Variants in PMPCB observed in about 807,000 individuals in gnomAD.
The protein encoded by PMPCB is peptidase, mitochondrial processing subunit beta.
In PMPCB, 46 loss-of-function variants were observed where a neutral mutation model predicts 61.5. That is an observed-to-expected ratio of 0.75 (90% CI 0.59 to 0.96). The LOEUF (loss-of-function observed/expected upper bound fraction) is 0.96, where lower values mean the gene tolerates loss of function less well. Ranked by LOEUF, PMPCB falls within the 40% of genes least tolerant of loss-of-function variation. PMPCB has a pLI of 0.00. For missense variants in PMPCB, 590 were observed against 602.4 expected (o/e 0.98, Z 0.22); for synonymous variants, 191 against 201.6 (o/e 0.95, Z 0.44).
At chr7:103,310,102 T>TA in intron 8 of PMPCB, among the ~76,000 whole-genome samples, 1 of 152,212 alleles carries the variant, frequency 6.6e-6, no homozygotes, top group East Asian at 1.9e-4. Context: ...TCATTGCTTT[T>TA]ATAACATGAA....
chr7:103,319,329 C>G (rs756453125), downstream of PMPCB, among the ~76,000 whole-genome samples: 24 of 152,046 alleles, frequency 1.6e-4, no homozygotes, highest in Non-Finnish European at 3.2e-4. Context: ...CCCAGTTACT[C>G]AGGAGGCTGA....
chr7:103,318,923 TAAAC>T (rs1818225307), downstream of PMPCB, among the ~76,000 whole-genome samples: 1 of 152,256 alleles, frequency 6.6e-6, no homozygotes, highest in African/African-American at 2.4e-5. Context: ...CCTTACTACA[TAAAC>T]AAAATGCAGA....
intron 9 of PMPCB, chr7:103,311,430 G>A (rs1817748018): frequency 3.6e-5 from 21 of 575,846 alleles, no homozygotes; most frequent in Admixed American, 3.3e-5. Context: ...TTTGTATAAA[G>A]CCTTTGTCTG....
intron 12 of PMPCB, chr7:103,327,542 T>G (rs2115947887): frequency 1.3e-6 from 1 of 767,266 alleles, no homozygotes; most frequent in Non-Finnish European, 2.1e-6. Flanking sequence ...CTAAAATGTT[T>G]TAAAATGTCA....
intron 12 of PMPCB, among the ~76,000 whole-genome samples, chr7:103,323,271 G>C (rs1818521205): frequency 6.6e-6 from 1 of 151,736 alleles, no homozygotes; most frequent in African/African-American, 2.4e-5. Flanking sequence ...GTTATTTTTT[G>C]CACATTCATG....
At chr7:103,316,622 A>G (rs188998188), downstream of PMPCB, 3,635 of 508,542 alleles carry the variant, frequency 7.1e-3, 15 homozygotes, top group Non-Finnish European at 9.4e-3. Flanking sequence ...AGAAACAAGT[A>G]TTCTGTCATA....
chr7:103,341,732 C>T, the PMPCB span: 11 of 1,497,240 alleles, frequency 7.3e-6, no homozygotes, highest in Non-Finnish European at 8.9e-6. Context: ...AACAAAGCAT[C>T]TGACTGAACA....
intron 12 of PMPCB, chr7:103,319,775 C>G: frequency 6.2e-7 from 1 of 1,614,192 alleles, no homozygotes; most frequent in Non-Finnish European, 8.5e-7. Flanking sequence ...TCAAGCCGAT[C>G]ACAAAGTTTT....
In PMPCB at chr7:103,313,340, C is replaced by T; in HGVS notation, c.*1069C>T. On this transcript the variant is annotated 3_prime_UTR_variant, in exon 13 of 13. Coordinates refer to ENST00000249269, the MANE Select transcript of PMPCB (RefSeq NM_004279.3). ...GCTTTTAAAACACAATAGTAAAGAT[C>T]TACCTTGTACTGTTTATCTCTTAAA... is the stretch of plus-strand genomic sequence containing the variant. 1 of 1,202,198 alleles carries T rather than the reference C, an allele frequency of 8.3e-7. No homozygotes were observed. Among genetic ancestry groups the T allele is most frequent in the Non-Finnish European group, 1.0e-6 (1 of 968,826 alleles). 74.5% of individuals were successfully genotyped at this position (1,202,198 alleles called of 1,614,324 possible).
chr7:103,317,579 A>G (rs1003898976), downstream of PMPCB, among the ~76,000 whole-genome samples: 4 of 152,188 alleles, frequency 2.6e-5, no homozygotes, highest in African/African-American at 9.7e-5. Context: ...TAGAACCAGT[A>G]AAGTCCCAAT....
intron 12 of PMPCB, chr7:103,320,830 C>CTT (rs745754898): frequency 1.7e-3 from 190 of 113,770 alleles, no homozygotes; most frequent in East Asian, 4.1e-3. Flanking sequence ...CTCAGCATGT[C>CTT]TTTTTTTTTT....
chr7:103,316,584 G>C, downstream of PMPCB: 1 of 453,040 alleles, frequency 2.2e-6, no homozygotes. Flanking sequence ...CATAAATCAA[G>C]ACTTGTCTCA....
downstream of PMPCB, among the ~76,000 whole-genome samples, chr7:103,318,036 A>C (rs1013377380): frequency 6.6e-6 from 1 of 152,216 alleles, no homozygotes; most frequent in African/African-American, 2.4e-5. Flanking sequence ...TAGTAGTACA[A>C]TGTTGAACCT....
At position 103,313,310 on chromosome 7, in the gene PMPCB, C is replaced by A; in HGVS notation, c.*1039C>A. 1.5e-6 allele frequency: 2 copies of A among 1,314,128 alleles called. No individual in the cohort carries two copies. Among genetic ancestry groups the A allele is most frequent in the Non-Finnish European group, 1.9e-6 (2 of 1,035,334 alleles). 81.4% of individuals were successfully genotyped at this position (1,314,128 alleles called of 1,614,324 possible). A position where few individuals can be genotyped will look rare whatever the true frequency, so the allele number is the denominator to read the frequency against. On this transcript the variant is annotated 3_prime_UTR_variant, in exon 13 of 13. Transcript: ENST00000249269. ...GCTCACATCCCAGAAAATAAAATCT[C>A]AAAGGCTTTTAAAACACAATAGTAA...
exon 13 of PMPCB, chr7:103,329,152 C>T: frequency 2.9e-6 from 1 of 344,608 alleles, no homozygotes; most frequent in Non-Finnish European, 5.5e-6. Context: ...TCTTCTGACT[C>T]TGTGTGTCAC....
At chr7:103,322,207 A>G (rs1457970509) in intron 12 of PMPCB, 13 of 724,758 alleles carry the variant, frequency 1.8e-5, no homozygotes, top group Non-Finnish European at 1.8e-5. Flanking sequence ...CTTATTGAAA[A>G]CTGAAGGATG....
Position 103,310,473 on chromosome 7 carries a change from A to G in PMPCB, c.1152A>G (p.Glu384=), listed in dbSNP as rs749399145. ...ACATGCTACATGTTGTTCAAAAAGAATGGTGAGAAAAATAGCTTTAAGTAA... is the reference window on the plus strand; with the variant it reads ...ACATGCTACATGTTGTTCAAAAAGAGTGGTGAGAAAAATAGCTTTAAGTAA... ...VADMLHVVQK[E]WMRLCTSVTE... is the part of the protein sequence containing the mutation. Residue 384 remains glutamate (E), a splice_region_variant and synonymous_variant, in exon 9 of 13, where the codon GAA becomes GAG. Coordinates refer to ENST00000249269, the MANE Select transcript of PMPCB (RefSeq NM_004279.3). 4.4e-6 allele frequency: 7 copies of G among 1,596,438 alleles called. No individual in the cohort carries two copies. The highest frequency in any genetic ancestry group is 6.0e-6 in the Non-Finnish European group (7 of 1,174,110).
At chr7:103,322,413 C>G in intron 12 of PMPCB, 1 of 1,219,758 alleles carries the variant, frequency 8.2e-7, no homozygotes, top group Middle Eastern at 2.3e-4. Flanking sequence ...TCTCTGCTTT[C>G]GAATTATAGT....
chr7:103,337,751 GTC>G, the PMPCB span: 1 of 1,613,376 alleles, frequency 6.2e-7, no homozygotes, highest in Non-Finnish European at 8.5e-7. Flanking sequence ...GCTTTGATCT[GTC>G]TCTGTGTAGC....
Sources: gnomAD v4.1 joint callset for allele counts (sites outside exome capture counted in the v4.1 genomes callset) on GRCh38, gnomAD v4.1.1 for gene constraint, MANE v1.5 for transcripts, NCBI Gene and HGNC (gene_info 2026-07-23, HGNC 2026-07-21) for gene names.